The following MCPH1 variants were observed in gnomAD, a reference collection of about 807,000 sequenced individuals.
The protein encoded by MCPH1 is microcephalin 1, also known as microcephalin.
Under a neutral mutation model 84.5 loss-of-function variants are expected in MCPH1, and 104 were observed. The observed-to-expected ratio is 1.23, with a 90% confidence interval of 1.05 to 1.45. The LOEUF is 1.45. MCPH1 is among the 40% of genes most tolerant of loss of function. The pLI is 0.00. For synonymous variants in MCPH1, 514 were observed against 366.8 expected, an observed-to-expected ratio of 1.40 and a Z score of -4.58; for missense variants, 1,498 against 1,005.7, an observed-to-expected ratio of 1.49 and a Z score of -6.62.
intron 8 of MCPH1, among the ~76,000 whole-genome samples, chr8:6,450,912 T>A (rs1450327751): frequency 6.6e-6 from 1 of 152,056 alleles, no homozygotes; most frequent in Non-Finnish European, 1.5e-5. Context: ...TCGGCTACGT[T>A]CCCCAGGCTG....
At position 6,499,939 on chromosome 8, in the gene MCPH1, ATGT is replaced by A. The variant is rs780475183; in HGVS notation, c.2214+15_2214+17del. On this transcript the variant is annotated intron_variant, in intron 12 of 13. Transcript: ENST00000344683. ...CTTCCCTGCAGCTCCCGTAAGTCAG[ATGT>A]TGTTTTACGATGGTAAATGCAGTTT... 3.1e-6 allele frequency: 5 copies of A among 1,610,802 alleles called. No individual in the cohort carries two copies. Among genetic ancestry groups the A allele is most frequent in the Middle Eastern group, 3.5e-4 (2 of 5,754 alleles).
At chr8:6,593,385 T>C (rs963629056) in intron 12 of MCPH1, among the ~76,000 whole-genome samples, 2 of 142,374 alleles carry the variant, frequency 1.4e-5, no homozygotes, top group African/African-American at 2.7e-5. Context: ...ACTCAACTTA[T>C]AATTTATGAT....
chr8:6,629,492 A>C (rs1197935829), intron 13 of MCPH1, among the ~76,000 whole-genome samples: 1 of 152,124 alleles, frequency 6.6e-6, no homozygotes, highest in Non-Finnish European at 1.5e-5. Flanking sequence ...AAGGAAGACA[A>C]AGAAACACCA....
At chr8:6,460,098 G>C (rs921489441) in intron 9 of MCPH1, among the ~76,000 whole-genome samples, 2 of 151,950 alleles carry the variant, frequency 1.3e-5, no homozygotes, top group African/African-American at 4.8e-5. Context: ...TCCTGTCTTT[G>C]ATCTGTTCTG....
At chr8:6,576,368 C>T (rs1380682901) in intron 12 of MCPH1, among the ~76,000 whole-genome samples, 1 of 152,078 alleles carries the variant, frequency 6.6e-6, no homozygotes, top group Non-Finnish European at 1.5e-5. Context: ...ATCCATATGT[C>T]TGTAACCATT....
chr8:6,612,475 G>A (rs1236377025), intron 12 of MCPH1, among the ~76,000 whole-genome samples: 3 of 152,144 alleles, frequency 2.0e-5, no homozygotes, highest in Non-Finnish European at 4.4e-5. Context: ...TTACCTCTGC[G>A]ACCTGGCTAG....
At position 6,439,038 on chromosome 8, in the gene MCPH1, C is replaced by G; in HGVS notation, c.522C>G (p.Ser174Arg). 6.2e-7 allele frequency: 1 copy of G among 1,612,726 alleles called. No homozygotes were observed. The highest frequency in any genetic ancestry group is 8.5e-7 in the Non-Finnish European group (1 of 1,179,242). The change falls in exon 6 of 14, where the codon AGC (serine) becomes AGG (arginine). Residue 174 changes from serine to arginine, a missense_variant. Coordinates refer to ENST00000344683, the MANE Select transcript of MCPH1 (RefSeq NM_024596.5). ...PTIEINSRHH[S>R]AMEKRLQEMK... Reference sequence around the variant, plus strand: ...TTGAAATTAATAGTAGGCACCACAGCGCAATGGAGAAGAGATTACAAGAGA... The same window carrying G: ...TTGAAATTAATAGTAGGCACCACAGGGCAATGGAGAAGAGATTACAAGAGA...
chr8:6,470,366 T>C (rs888082934), intron 9 of MCPH1, among the ~76,000 whole-genome samples: 2 of 152,076 alleles, frequency 1.3e-5, no homozygotes, highest in African/African-American at 4.8e-5. Flanking sequence ...TCACTGCAAC[T>C]TCCGTCTCCC....
At chr8:6,489,538 A>G (rs1172774819) in intron 11 of MCPH1, among the ~76,000 whole-genome samples, 1 of 152,166 alleles carries the variant, frequency 6.6e-6, no homozygotes, top group African/African-American at 2.4e-5. Flanking sequence ...AATGACTAAG[A>G]CAGTTGAAGA....
chr8:6,511,345 G>A (rs959245243), intron 12 of MCPH1, among the ~76,000 whole-genome samples: 4 of 151,852 alleles, frequency 2.6e-5, no homozygotes, highest in Non-Finnish European at 5.9e-5. Context: ...TAACAGTGGA[G>A]TAAAGAGGTA....
At chr8:6,436,976 A>G (rs894555629) in intron 5 of MCPH1, among the ~76,000 whole-genome samples, 1 of 152,104 alleles carries the variant, frequency 6.6e-6, no homozygotes, top group East Asian at 1.9e-4. Flanking sequence ...ACTCAAAAAA[A>G]AAAGAATATT....
At chr8:6,595,080 C>T (rs1342361608) in intron 12 of MCPH1, among the ~76,000 whole-genome samples, 2 of 152,166 alleles carry the variant, frequency 1.3e-5, no homozygotes, top group Non-Finnish European at 2.9e-5. Context: ...TTACTGACTT[C>T]GCACAAATCA....
At chr8:6,488,328 T>G (rs1467588575) in intron 11 of MCPH1, among the ~76,000 whole-genome samples, 1 of 152,224 alleles carries the variant, frequency 6.6e-6, no homozygotes, top group Non-Finnish European at 1.5e-5. Context: ...AAAAAGTGAT[T>G]CATCTGTAAA....
intron 3 of MCPH1, among the ~76,000 whole-genome samples, chr8:6,428,743 A>ACG (rs1554484457): frequency 2.1e-5 from 3 of 142,320 alleles, no homozygotes; most frequent in African/African-American, 8.4e-5. Context: ...ACACGTGCGC[A>ACG]CGCACACACA....
chr8:6,455,408 G>T (rs1805567608), intron 9 of MCPH1, among the ~76,000 whole-genome samples, 156 bp downstream of exon 9: 1 of 152,180 alleles, frequency 6.6e-6, no homozygotes, highest in Non-Finnish European at 1.5e-5. Flanking sequence ...ATATGAAACT[G>T]AAAGCGTTGT....
chr8:6,430,419 A>G (rs1223538731), intron 3 of MCPH1, among the ~76,000 whole-genome samples: 1 of 152,236 alleles, frequency 6.6e-6, no homozygotes, highest in Non-Finnish European at 1.5e-5. Flanking sequence ...TAGTGTTGTT[A>G]TAAAGATAGT....
intron 12 of MCPH1, chr8:6,562,577 T>TTTTTTTTTTTTTTTTTTAAAAAA: frequency 1.2e-6 from 1 of 843,206 alleles, no homozygotes; most frequent in Non-Finnish European, 1.6e-6. Context: ...TTTTTGGTTG[T>TTTTTTTTTTTTTTTTTTAAAAAA]TAAAACCTGA....
At chr8:6,406,836 TCCTCCC>T in intron 1 of MCPH1, 147 bp downstream of exon 1, 1 of 590,714 alleles carries the variant, frequency 1.7e-6, no homozygotes, top group Non-Finnish European at 2.8e-6. Context: ...GCCGCCTCCT[TCCTCCC>T]CCGCTGCCTG....
intron 12 of MCPH1, chr8:6,621,180 T>G: frequency 2.0e-6 from 1 of 489,088 alleles, no homozygotes; most frequent in Non-Finnish European, 3.7e-6. Flanking sequence ...AATATTTTGT[T>G]TGAGGCTTTG....
Sources: gnomAD v4.1 joint callset for allele counts (sites outside exome capture counted in the v4.1 genomes callset) on GRCh38, gnomAD v4.1.1 for gene constraint, MANE v1.5 for transcripts, NCBI Gene and HGNC (gene_info 2026-07-23, HGNC 2026-07-21) for gene names.